Variants in RAB3C observed in about 807,000 individuals in gnomAD.
The protein encoded by RAB3C is RAB3C, member RAS oncogene family, also known as ras-related protein Rab-3C.
A neutral mutation model predicts 26.4 loss-of-function variants in RAB3C; 17 were observed. The ratio of observed to expected loss-of-function variants is 0.64; its 90% CI spans 0.44 to 0.97. The LOEUF (loss-of-function observed/expected upper bound fraction) is 0.97. Among genes scored for constraint, RAB3C ranks in the 50% least tolerant of loss-of-function variants. RAB3C has a pLI of 0.00. For synonymous variants in RAB3C, 91 were observed against 95.9 expected (o/e 0.95, Z 0.30); for missense variants, 242 against 281.9 (o/e 0.86, Z 1.01).
intron 2 of RAB3C, among the ~76,000 whole-genome samples, chr5:58,721,934 AT>A (rs138772268): frequency 0.036 from 5,385 of 148,228 alleles, 279 homozygotes; most frequent in African/African-American, 0.12. Flanking sequence ...GAAAGCTTCT[AT>A]TTTTTTTTTC....
At chr5:58,678,284 A>G (rs562567422) in intron 2 of RAB3C, among the ~76,000 whole-genome samples, 48 of 152,318 alleles carry the variant, frequency 3.2e-4, no homozygotes, top group African/African-American at 1.1e-3. Flanking sequence ...ATGTAGGTCC[A>G]TGTTCGGTAT....
chr5:58,800,686 G>A (rs1333252269), intron 3 of RAB3C, among the ~76,000 whole-genome samples: 2 of 152,100 alleles, frequency 1.3e-5, no homozygotes, highest in Non-Finnish European at 2.9e-5. Context: ...TTTTGTGGGG[G>A]ACTGTCGACA....
At chr5:58,629,103 A>G (rs1246628852) in intron 2 of RAB3C, among the ~76,000 whole-genome samples, 6 of 151,936 alleles carry the variant, frequency 3.9e-5, no homozygotes, top group African/African-American at 1.4e-4. Flanking sequence ...ACACTTGAAA[A>G]GAATATTACT....
At chr5:58,724,995 T>C (rs1740856908) in intron 2 of RAB3C, among the ~76,000 whole-genome samples, 1 of 151,868 alleles carries the variant, frequency 6.6e-6, no homozygotes, top group Admixed American at 6.6e-5. Context: ...TTGTACAGTA[T>C]TGTCGGTTTG....
At position 58,693,330 on chromosome 5, in the gene RAB3C, A is replaced by G. The variant is rs376786058; in HGVS notation, c.253-32672A>G. Among the ~76,000 whole-genome samples, 173 of 100,862 alleles carry G rather than the reference A, an allele frequency of 1.7e-3. 1 individual carries two copies. The highest frequency in any genetic ancestry group is 6.2e-3 in the African/African-American group (152 of 24,422). The allele number at this position is 100,862 out of a possible 152,430, so 66.2% of individuals were successfully genotyped here. A position where few individuals can be genotyped will look rare whatever the true frequency, so the allele number is the denominator to read the frequency against. On this transcript the variant is annotated intron_variant, in intron 2 of 4. Coordinates refer to ENST00000282878, the MANE Select transcript of RAB3C (RefSeq NM_138453.4). ...TAAATAAAATTAAGAAATTATATAT[A>G]TATGTGTATATATATATATATATAT...
chr5:58,819,849 CACAGCAAGACTCCACCTCAAAAAAAA>C (rs1743299962), intron 3 of RAB3C, among the ~76,000 whole-genome samples: 1 of 152,244 alleles, frequency 6.6e-6, no homozygotes, highest in East Asian at 1.9e-4. Flanking sequence ...ACCTGGGCAA[CACAGCAAGACTCCACCTCAAAAAAAA>C]CTGTGACATT....
chr5:58,584,049 GT>G (rs752179896), intron 1 of RAB3C, among the ~76,000 whole-genome samples: 5 of 152,210 alleles, frequency 3.3e-5, no homozygotes, highest in Non-Finnish European at 5.9e-5. Flanking sequence ...ATCAGCTTGT[GT>G]TTATTAATCA....
chr5:58,628,391 A>G (rs1747110383), intron 2 of RAB3C, among the ~76,000 whole-genome samples: 1 of 152,164 alleles, frequency 6.6e-6, no homozygotes, highest in Non-Finnish European at 1.5e-5. Flanking sequence ...AGCTAGCATC[A>G]GAGAGTCATT....
intron 3 of RAB3C, among the ~76,000 whole-genome samples, chr5:58,818,854 T>C (rs1391378157): frequency 6.6e-6 from 1 of 152,118 alleles, no homozygotes; most frequent in Non-Finnish European, 1.5e-5. Flanking sequence ...GGTGAAAAGG[T>C]AAATACATAT....
rs1324432313 is a variant in RAB3C, at chr5:58,853,734, T to G, written c.*2383T>G. The G allele has an allele frequency of 6.6e-6, 1 of 152,126 alleles. No individual in the cohort carries two copies. The highest frequency in any genetic ancestry group is 1.5e-5 in the Non-Finnish European group (1 of 68,028). 9.4% of individuals were successfully genotyped at this position (152,126 alleles called of 1,614,324 possible). On this transcript the variant is annotated 3_prime_UTR_variant, in exon 5 of 5. Coordinates refer to ENST00000282878, the MANE Select transcript of RAB3C (RefSeq NM_138453.4). ...CAAGAAACATCTGATACTTTCTAAT[T>G]TCTAAACCCCAATGGAAGTGAGGCC... is the stretch of plus-strand genomic sequence containing the variant.
chr5:58,777,469 T>A (rs1435547549), intron 3 of RAB3C, among the ~76,000 whole-genome samples: 1 of 152,136 alleles, frequency 6.6e-6, no homozygotes, highest in Non-Finnish European at 1.5e-5. Context: ...CTTTACCAAA[T>A]CCCTTAGGAT....
At chr5:58,730,389 C>CAGT (rs1361023701) in intron 3 of RAB3C, among the ~76,000 whole-genome samples, 1 of 151,912 alleles carries the variant, frequency 6.6e-6, no homozygotes, top group Non-Finnish European at 1.5e-5. Context: ...CTACTAAAGC[C>CAGT]TACTCTACAT....
At chr5:58,652,903 T>C (rs2032815) in intron 2 of RAB3C, among the ~76,000 whole-genome samples, 106,838 of 151,970 alleles carry the variant, frequency 0.7, 37,928 homozygotes, top group Middle Eastern at 0.79. Flanking sequence ...TCGATAACTT[T>C]CAAAATAAAA....
chr5:58,833,363 T>C (rs79370374), intron 4 of RAB3C, among the ~76,000 whole-genome samples: 11,135 of 114,300 alleles, frequency 0.097, 527 homozygotes, highest in East Asian at 0.17. Context: ...CACACACACA[T>C]ATTAAGTAAA....
At chr5:58,844,935 A>G (rs1264336126) in intron 4 of RAB3C, among the ~76,000 whole-genome samples, 1 of 152,234 alleles carries the variant, frequency 6.6e-6, no homozygotes, top group Non-Finnish European at 1.5e-5. Flanking sequence ...AACAAATGGC[A>G]TTTCACAATA....
intron 2 of RAB3C, among the ~76,000 whole-genome samples, chr5:58,664,866 T>C (rs901991483): frequency 6.6e-6 from 1 of 152,082 alleles, no homozygotes; most frequent in African/African-American, 2.4e-5. Flanking sequence ...TTTCCTACTA[T>C]TCTCCCTCTG....
intron 1 of RAB3C, among the ~76,000 whole-genome samples, chr5:58,616,849 G>C (rs1023694140): frequency 5.9e-5 from 9 of 152,098 alleles, no homozygotes; most frequent in Admixed American, 5.2e-4. Context: ...TAGGGCACTT[G>C]CGCATGCCTC....
chr5:58,843,805 A>C (rs989922778), intron 4 of RAB3C, among the ~76,000 whole-genome samples: 2 of 152,218 alleles, frequency 1.3e-5, no homozygotes, highest in African/African-American at 4.8e-5. Flanking sequence ...GGCTGACAGA[A>C]TTGTTCACTG....
chr5:58,596,360 C>T (rs1746248447), intron 1 of RAB3C, among the ~76,000 whole-genome samples: 1 of 150,888 alleles, frequency 6.6e-6, no homozygotes, highest in Non-Finnish European at 1.5e-5. Context: ...CTTTTCTACT[C>T]TTGTCTCCTG....
Sources: allele counts gnomAD v4.1 joint callset (sites outside exome capture counted in the v4.1 genomes callset), GRCh38; gene constraint gnomAD v4.1.1; transcripts MANE v1.5; gene names NCBI Gene and HGNC (gene_info 2026-07-23, HGNC 2026-07-21).